The following PRKCB variants were observed in gnomAD, a reference collection of about 807,000 sequenced individuals.
The protein encoded by PRKCB is protein kinase C beta.
A neutral mutation model predicts 81.5 loss-of-function variants in PRKCB; 13 were observed. That is an observed-to-expected ratio of 0.16 (90% CI 0.10 to 0.25). The LOEUF (loss-of-function observed/expected upper bound fraction) is 0.25. Ranked by LOEUF, PRKCB falls within the 10% of genes least tolerant of loss-of-function variation. The pLI, the probability that PRKCB is intolerant of heterozygous loss-of-function variation, is 1.00. For missense variants in PRKCB, 509 were observed against 875.7 expected, an observed-to-expected ratio of 0.58 and a Z score of 5.29; for synonymous variants, 335 against 321.4, an observed-to-expected ratio of 1.04 and a Z score of -0.45.
At chr16:24,164,687 GA>G (rs1211878704) in intron 10 of PRKCB, among the ~76,000 whole-genome samples, 1 of 152,226 alleles carries the variant, frequency 6.6e-6, no homozygotes, top group African/African-American at 2.4e-5. Context: ...TCAGCCCAGC[GA>G]GATGAGAGTT....
intron 2 of PRKCB, among the ~76,000 whole-genome samples, chr16:23,937,853 A>G (rs938505135): frequency 6.6e-6 from 1 of 152,176 alleles, no homozygotes; most frequent in African/African-American, 2.4e-5. Context: ...TAACTTGTGC[A>G]GTGGTTTGTG....
intron 9 of PRKCB, among the ~76,000 whole-genome samples, chr16:24,144,691 T>G (rs1200253672): frequency 6.6e-6 from 1 of 152,252 alleles, no homozygotes; most frequent in African/African-American, 2.4e-5. Context: ...TCCCTCAAAT[T>G]CTTTGTGAAA....
intron 5 of PRKCB, among the ~76,000 whole-genome samples, chr16:24,052,727 C>A (rs757877292): frequency 6.6e-6 from 1 of 152,182 alleles, no homozygotes; most frequent in Non-Finnish European, 1.5e-5. Flanking sequence ...GCAGCAAAGA[C>A]GACCAGACGT....
At chr16:24,113,713 TTTCATGACTCTGAGCC>T (rs1314974382) in intron 8 of PRKCB, among the ~76,000 whole-genome samples, 15 of 152,098 alleles carry the variant, frequency 9.9e-5, no homozygotes, top group African/African-American at 3.4e-4. Context: ...TACTAAGACT[TTTCATGACTCTGAGCC>T]TTTGCAAGGT....
chr16:23,882,029 C>CTTTCTTTCT (rs1567301160), intron 2 of PRKCB, among the ~76,000 whole-genome samples: 2 of 24,900 alleles, frequency 8.0e-5, no homozygotes, highest in Non-Finnish European at 1.0e-4. Context: ...TTTCTTCCTT[C>CTTTCTTTCT]CTTCCTTCCT....
At chr16:24,187,544 T>C (rs1967722410) in intron 15 of PRKCB, among the ~76,000 whole-genome samples, 1 of 152,252 alleles carries the variant, frequency 6.6e-6, no homozygotes, top group Admixed American at 6.5e-5. Flanking sequence ...CAGGTTCCTC[T>C]TGGCATTTGA....
intron 2 of PRKCB, among the ~76,000 whole-genome samples, chr16:23,877,719 G>A (rs1963038989): frequency 6.6e-6 from 1 of 152,172 alleles, no homozygotes; most frequent in Non-Finnish European, 1.5e-5. Context: ...TGTGTAAATG[G>A]TAATGGAGAA....
chr16:24,067,223 A>G (rs1006805878), intron 5 of PRKCB, among the ~76,000 whole-genome samples: 2 of 152,084 alleles, frequency 1.3e-5, no homozygotes, highest in Non-Finnish European at 2.9e-5. Context: ...CTTCTTTTAA[A>G]CATCTTAATA....
chr16:23,925,839 A>G (rs1963889564), intron 2 of PRKCB, among the ~76,000 whole-genome samples: 1 of 151,950 alleles, frequency 6.6e-6, no homozygotes, highest in South Asian at 2.1e-4. Flanking sequence ...GCCATTGGAG[A>G]ATGACTATTA....
At position 24,035,491 on chromosome 16, in the gene PRKCB, G is replaced by A. The variant is rs751524971; in HGVS notation, c.473G>A (p.Arg158His). 3 of 1,614,140 alleles carry A rather than the reference G, an allele frequency of 1.9e-6. No individual in the cohort carries two copies. The highest frequency in any genetic ancestry group is 2.5e-6 in the Non-Finnish European group (3 of 1,180,008). The change falls in exon 5 of 17, where the codon CGC becomes CAC. Residue 158 changes from arginine to histidine, a missense_variant. By Grantham distance (29) the Arg-to-His change is conservative. Around this residue, in one of 6 missense-constraint regions of PRKCB, gnomAD observed 184 missense variants for 362.9 expected, o/e 0.51. Transcript: ENST00000643927. The part of the protein sequence containing the change: ...PSLCGTDHTE[R>H]RGRIYIQAHI... ...CTGTGTGGCACGGACCACACGGAGC[G>A]CCGCGGCCGCATCTACATCCAGGCC... is the stretch of plus-strand genomic sequence containing the variant.
At chr16:24,065,008 A>ATAT (rs1458619458) in intron 5 of PRKCB, among the ~76,000 whole-genome samples, 2 of 147,988 alleles carry the variant, frequency 1.4e-5, no homozygotes, top group African/African-American at 4.9e-5. Flanking sequence ...ATATATATAT[A>ATAT]AAAAGACTGA....
At chr16:23,944,959 T>C (rs928531496) in intron 2 of PRKCB, among the ~76,000 whole-genome samples, 3 of 152,018 alleles carry the variant, frequency 2.0e-5, no homozygotes, top group Admixed American at 6.5e-5. Context: ...AGGAGGGGAC[T>C]GAGGGGCCAA....
chr16:24,080,078 C>T (rs947719838), intron 5 of PRKCB, among the ~76,000 whole-genome samples: 18 of 151,982 alleles, frequency 1.2e-4, no homozygotes, highest in Admixed American at 1.3e-4. Context: ...AGTGTGCGAT[C>T]GGTTTCTAGC....
intron 2 of PRKCB, among the ~76,000 whole-genome samples, chr16:23,912,409 G>C (rs1018143166): frequency 3.3e-5 from 5 of 151,340 alleles, no homozygotes; most frequent in Non-Finnish European, 5.9e-5. Context: ...ACTGAATCTT[G>C]GTCAGCCCCG....
intron 16 of PRKCB, among the ~76,000 whole-genome samples, chr16:24,197,018 G>A (rs1034626401): frequency 6.6e-6 from 1 of 151,542 alleles, no homozygotes; most frequent in South Asian, 2.1e-4. Context: ...TTGGGAAGAA[G>A]CGTGTGCTGG....
chr16:23,872,869 G>A (rs1962928645), intron 2 of PRKCB, among the ~76,000 whole-genome samples: 1 of 151,794 alleles, frequency 6.6e-6, no homozygotes, highest in African/African-American at 2.4e-5. Context: ...GGCTTCAGGA[G>A]CAACTGGTTA....
At chr16:24,022,845 T>C (rs1483465665) in intron 3 of PRKCB, among the ~76,000 whole-genome samples, 2 of 152,158 alleles carry the variant, frequency 1.3e-5, no homozygotes, top group Non-Finnish European at 2.9e-5. Context: ...GTAAACTTAT[T>C]TGGATTTCTA....
intron 5 of PRKCB, among the ~76,000 whole-genome samples, chr16:24,041,637 C>T (rs1965699351): frequency 6.6e-6 from 1 of 151,970 alleles, no homozygotes; most frequent in Admixed American, 6.6e-5. Context: ...GCCTTAGGTA[C>T]TCCCAATATT....
At chr16:24,204,497 CA>C (rs1238502837) in intron 16 of PRKCB, among the ~76,000 whole-genome samples, 1 of 151,846 alleles carries the variant, frequency 6.6e-6, no homozygotes, top group Non-Finnish European at 1.5e-5. Context: ...TTGTGGGAAT[CA>C]AAGCTATAAA....
Sources: gnomAD v4.1 joint callset for allele counts (sites outside exome capture counted in the v4.1 genomes callset) on GRCh38, gnomAD v4.1.1 for gene constraint, gnomAD v4.1.1 regional missense constraint, MANE v1.5 for transcripts, NCBI Gene and HGNC (gene_info 2026-07-23, HGNC 2026-07-21) for gene names.